Variants in PCDHA12 observed in about 807,000 individuals in gnomAD.
PCDHA12 encodes protocadherin alpha-12.
In PCDHA12, 44 loss-of-function variants were observed where a neutral mutation model predicts 60.0. The observed-to-expected ratio is 0.73, with a 90% CI of 0.58 to 0.94. The LOEUF is 0.94. Among genes scored for constraint, PCDHA12 ranks in the 40% least tolerant of loss-of-function variants. The pLI is 0.00. For missense variants in PCDHA12, 1,276 were observed against 1,239.7 expected (o/e 1.03, Z -0.44); for synonymous variants, 569 against 553.0 (o/e 1.03, Z -0.40).
chr5:140,999,450 A>G (rs2097858332), intron 3 of PCDHA12, among the ~76,000 whole-genome samples: 1 of 152,198 alleles, frequency 6.6e-6, no homozygotes, highest in Admixed American at 6.5e-5. Flanking sequence ...TATTCGTTCA[A>G]CGAATAAGTG....
chr5:140,891,589 C>T (rs1459113596), intron 1 of PCDHA12, among the ~76,000 whole-genome samples: 1 of 152,166 alleles, frequency 6.6e-6, no homozygotes, highest in East Asian at 1.9e-4. Context: ...TCTTATTACT[C>T]TATCCCATCT....
rs2098421039 is a variant in PCDHA12, at chr5:141,011,549, G to GA, written c.*1615dup. 1 of 153,674 alleles carries GA rather than the reference G, an allele frequency of 6.5e-6. No individual in the cohort carries two copies. The highest frequency in any genetic ancestry group is 1.5e-5 in the Non-Finnish European group (1 of 68,008). The allele number at this position is 153,674 out of a possible 1,614,324, so 9.5% of individuals were successfully genotyped here. A position where few individuals can be genotyped will look rare whatever the true frequency, so the allele number is the denominator to read the frequency against. Reference sequence around the variant, plus strand: ...CCATTGTTAATCAGCTTTTGTGTATGAAAGACACAGTAAAATTTCTTTCTT... The same window carrying GA: ...CCATTGTTAATCAGCTTTTGTGTATGAAAAGACACAGTAAAATTTCTTTCTT... On this transcript the variant is annotated 3_prime_UTR_variant, in exon 4 of 4. Coordinates refer to ENST00000398631, the MANE Select transcript of PCDHA12 (RefSeq NM_018903.4).
Position 140,956,653 on chromosome 5 carries a change from G to A in PCDHA12, c.2368-22296G>A, listed in dbSNP as rs146062919. ...TGCCAGGTTTTGGTATCAGGATGAT[G>A]CTGGCCTTAAAGGAGTTAGGGAGGA... On this transcript the variant is annotated intron_variant, in intron 1 of 3. Transcript: ENST00000398631. 5.2e-4 allele frequency among the ~76,000 whole-genome samples: 79 copies of A among 152,240 alleles called. 1 individual carries two copies. The highest frequency in any genetic ancestry group is 1.9e-3 in the African/African-American group (79 of 41,558).
rs782248457 is a variant in PCDHA12, at chr5:140,927,179, C to G, written c.2367+49340C>G. 8 of 1,614,050 alleles carry G rather than the reference C, an allele frequency of 5.0e-6. No individual in the cohort carries two copies. The South Asian group carries it at 8.8e-5, about 18-fold the overall frequency. ...AGGGCCAAAGCTGCCTGCGTCTTGA[C>G]CTACGACCTGGTGCTCGAGGACCCG... On this transcript the variant is annotated intron_variant, in intron 1 of 3. Transcript: ENST00000398631.
intron 1 of PCDHA12, among the ~76,000 whole-genome samples, chr5:140,902,641 G>T (rs2069615645): frequency 6.6e-6 from 1 of 152,080 alleles, no homozygotes; most frequent in Non-Finnish European, 1.5e-5. Context: ...TGATTTCTGA[G>T]ATTTTGGTGC....
At chr5:140,984,784 A>G (rs1022121650) in intron 3 of PCDHA12, among the ~76,000 whole-genome samples, 4 of 152,168 alleles carry the variant, frequency 2.6e-5, no homozygotes, top group Non-Finnish European at 4.4e-5. Context: ...TTGCTGGGTG[A>G]GCATAGACAA....
intron 1 of PCDHA12, among the ~76,000 whole-genome samples, chr5:140,896,143 T>C (rs932166066): frequency 2.6e-5 from 4 of 152,198 alleles, no homozygotes; most frequent in Non-Finnish European, 5.9e-5. Context: ...CAGTGCACCA[T>C]TGATGGGCAT....
intron 1 of PCDHA12, among the ~76,000 whole-genome samples, chr5:140,903,594 A>G (rs868958257): frequency 3.3e-5 from 5 of 152,238 alleles, no homozygotes; most frequent in South Asian, 2.1e-4. Flanking sequence ...TTGGCCTGAT[A>G]AATGCTTAAT....
rs2098421437 is a variant in PCDHA12, at chr5:141,011,660, T to G, written c.*1723T>G. The G allele has an allele frequency of 6.5e-6, 1 of 153,726 alleles. No individual in the cohort carries two copies. Among genetic ancestry groups the G allele is most frequent in the African/African-American group, 2.4e-5 (1 of 41,436 alleles). The allele number at this position is 153,726 out of a possible 1,614,324, so 9.5% of individuals were successfully genotyped here. On this transcript the variant is annotated 3_prime_UTR_variant, in exon 4 of 4. Coordinates refer to ENST00000398631, the MANE Select transcript of PCDHA12 (RefSeq NM_018903.4). ...GCCAAGACTTCTGCTGGCAAGGGAATGGATAAAGCTGTTTTGTTCTAGTAA... is the reference window on the plus strand; with the variant it reads ...GCCAAGACTTCTGCTGGCAAGGGAAGGGATAAAGCTGTTTTGTTCTAGTAA...
chr5:140,962,329 T>A (rs1341757607), intron 1 of PCDHA12, among the ~76,000 whole-genome samples: 1 of 152,250 alleles, frequency 6.6e-6, no homozygotes, highest in Non-Finnish European at 1.5e-5. Context: ...TTGAGAATAC[T>A]GATAAAGAAG....
intron 1 of PCDHA12, chr5:140,883,650 C>A: frequency 6.2e-7 from 1 of 1,613,572 alleles, no homozygotes; most frequent in East Asian, 2.2e-5. Flanking sequence ...CCCGAGTACA[C>A]GGTGTTCGTG....
At chr5:140,942,580 G>A (rs782743450) in intron 1 of PCDHA12, among the ~76,000 whole-genome samples, 4 of 151,104 alleles carry the variant, frequency 2.6e-5, no homozygotes, top group Non-Finnish European at 5.9e-5. Flanking sequence ...TCCCATATAG[G>A]ATGTCACATA....
chr5:140,976,819 T>C (rs1380206599), intron 1 of PCDHA12, among the ~76,000 whole-genome samples: 3 of 152,222 alleles, frequency 2.0e-5, no homozygotes, highest in Admixed American at 2.0e-4. Flanking sequence ...TATGCATGTG[T>C]CTAATGAGCA....
chr5:140,971,165 G>A (rs1390176241), intron 1 of PCDHA12, among the ~76,000 whole-genome samples: 1 of 152,136 alleles, frequency 6.6e-6, no homozygotes, highest in Non-Finnish European at 1.5e-5. Context: ...GCTCAGCTTT[G>A]CCACCAGCTG....
rs782071598 is a variant in PCDHA12 at position 140,883,785 on chromosome 5, G to C, written c.2367+5946G>C. On this transcript the variant is annotated intron_variant, in intron 1 of 3. Coordinates refer to ENST00000398631, the MANE Select transcript of PCDHA12 (RefSeq NM_018903.4). ...CGGGTGGGCGAGCGTGCGCTGTCGA[G>C]CTACGTGTCGGTGCACGCGGAGAGC... The C allele has an allele frequency of 1.3e-5, 21 of 1,612,402 alleles. No individual in the cohort carries two copies. In the East Asian group the frequency reaches 4.0e-4, roughly 31 times the overall value.
chr5:140,955,452 G>C (rs921510611), intron 1 of PCDHA12, among the ~76,000 whole-genome samples: 3 of 152,024 alleles, frequency 2.0e-5, no homozygotes, highest in Non-Finnish European at 4.4e-5. Context: ...TTTTATAAGG[G>C]CTTTTTCCTT....
chr5:140,939,798 C>A (rs2092461303), intron 1 of PCDHA12, among the ~76,000 whole-genome samples: 1 of 152,138 alleles, frequency 6.6e-6, no homozygotes, highest in African/African-American at 2.4e-5. Flanking sequence ...TATAAATGTT[C>A]TGCATGTTCA....
At chr5:140,989,619 TC>T (rs2097351060) in intron 3 of PCDHA12, among the ~76,000 whole-genome samples, 1 of 152,196 alleles carries the variant, frequency 6.6e-6, no homozygotes. Flanking sequence ...TGAAAGTCTG[TC>T]CTAGTGACAG....
intron 1 of PCDHA12, among the ~76,000 whole-genome samples, chr5:140,907,407 C>G (rs1438882988): frequency 3.3e-5 from 5 of 152,168 alleles, no homozygotes; most frequent in African/African-American, 1.2e-4. Flanking sequence ...GTGTGGAATA[C>G]CACGATGGTG....
Sources: gnomAD v4.1 joint callset for allele counts (sites outside exome capture counted in the v4.1 genomes callset) on GRCh38, gnomAD v4.1.1 for gene constraint, MANE v1.5 for transcripts, NCBI Gene and HGNC (gene_info 2026-07-23, HGNC 2026-07-21) for gene names.